The following RFX1 variants were observed in gnomAD, a reference collection of about 807,000 sequenced individuals.
RFX1 encodes the protein regulatory factor X1.
RFX1 carries 42 observed loss-of-function variants against 119.6 expected under a neutral mutation model. The ratio of observed to expected loss-of-function variants is 0.35; its 90% CI spans 0.27 to 0.45. RFX1 has a LOEUF of 0.45. Ranked by LOEUF, RFX1 falls within the 20% of genes least tolerant of loss-of-function variation. The pLI is 1.00. For synonymous variants in RFX1, 628 were observed against 618.5 expected (o/e 1.02, Z -0.23); for missense variants, 1,118 against 1,368.1 (o/e 0.82, Z 2.88).
At chr19:13,983,692 C>T in intron 2 of RFX1, 97 bp from the exon 3 acceptor site, 5 of 1,040,926 alleles carry the variant, frequency 4.8e-6, no homozygotes, top group Non-Finnish European at 5.6e-6. Context: ...CTGAAGCCAA[C>T]CCCCAGCAAG....
Position 13,986,336 on chromosome 19 carries a change from G to A in RFX1, c.320-2741C>T, listed in dbSNP as rs1330122265. Among the ~76,000 whole-genome samples, 1 of 152,222 alleles carries A rather than the reference G, an allele frequency of 6.6e-6. No individual in the cohort carries two copies. The highest frequency in any genetic ancestry group is 1.5e-5 in the Non-Finnish European group (1 of 68,016). On this transcript the variant is annotated intron_variant, in intron 2 of 20. Coordinates refer to ENST00000254325, the MANE Select transcript of RFX1 (RefSeq NM_002918.5). This position sits in a 1 kb window ranked among gnomAD's most constrained non-coding sequence, Gnocchi z 4.2. ...GAGACCAGGTGGCTGTCTCCAGGAA[G>A]CAGCCTTGCCCGTCTCCTGCCTCTG...
chr19:13,963,047 AAGAAG>A lies in RFX1; in HGVS notation c.2725-13_2725-9del. The A allele has an allele frequency of 6.4e-7, 1 of 1,573,118 alleles. No homozygotes were observed. Among genetic ancestry groups the A allele is most frequent in the East Asian group, 2.4e-5 (1 of 42,524 alleles). On this transcript the variant is annotated splice_polypyrimidine_tract_variant and intron_variant, in intron 19 of 20. Transcript: ENST00000254325. ...GGTGGCCAGATTGGCGAACTGGAGG[AAGAAG>A]AGAAGAAAATGGGTGAGGGTCCCGC...
At chr19:13,989,773 T>C (rs1364818406) in intron 2 of RFX1, among the ~76,000 whole-genome samples, 1 of 152,066 alleles carries the variant, frequency 6.6e-6, no homozygotes, top group Non-Finnish European at 1.5e-5. Context: ...TAATGGACAG[T>C]TGTGAACCTG....
intron 8 of RFX1, among the ~76,000 whole-genome samples, chr19:13,976,715 T>C (rs762327602): frequency 6.6e-6 from 1 of 152,162 alleles, no homozygotes. Flanking sequence ...AGAAAGCGGG[T>C]AGAGGCTGGG....
chr19:13,976,738 T>C (rs575526531), intron 8 of RFX1, among the ~76,000 whole-genome samples: 2 of 152,326 alleles, frequency 1.3e-5, no homozygotes, highest in Non-Finnish European at 1.5e-5. Context: ...CTGTGGCTCA[T>C]GCCTGTAATC....
chr19:13,981,173 C>G lies in RFX1; in HGVS notation c.622-484G>C, dbSNP rs77999833. On this transcript the variant is annotated intron_variant, in intron 5 of 20. Transcript: ENST00000254325. ...AGGCGATGAGGCACAGGGCTGAGCC[C>G]AGGCAGGCTGGCCATAGAGCCCCAT... is the stretch of plus-strand genomic sequence containing the variant. 4.9e-3 allele frequency among the ~76,000 whole-genome samples: 742 copies of G among 152,356 alleles called. 1 individual carries two copies. The highest frequency in any genetic ancestry group is 0.017 in the African/African-American group (713 of 41,580).
At chr19:13,976,022 C>T (rs942190490) in intron 8 of RFX1, among the ~76,000 whole-genome samples, 5 of 152,256 alleles carry the variant, frequency 3.3e-5, no homozygotes, top group East Asian at 1.9e-4. Context: ...ACAGGAGAGA[C>T]GCTACCAGGG....
chr19:13,969,722 TG>T lies in RFX1; in HGVS notation c.1496+271del, dbSNP rs986492985. On this transcript the variant is annotated intron_variant, in intron 10 of 20. Transcript: ENST00000254325. The surrounding 1 kb of genome is among the most constrained non-coding windows in gnomAD (Gnocchi z 4.5). ...GCTAAAGAGAAAAATAAAGCAGGGT[TG>T]GGGGGTGTCGGGCAGGGGAGAGGGG... The T allele has an allele frequency of 5.1e-4, 202 of 393,714 alleles. No homozygotes were observed. Among genetic ancestry groups the T allele is most frequent in the Middle Eastern group, 6.8e-4 (1 of 1,478 alleles). 24.4% of individuals were successfully genotyped at this position (393,714 alleles called of 1,614,324 possible).
In RFX1 at chr19:13,980,548, G is replaced by T; in HGVS notation, c.738+25C>A. 6.9e-7 allele frequency: 1 copy of T among 1,458,940 alleles called. No individual in the cohort carries two copies. Among genetic ancestry groups the T allele is most frequent in the Non-Finnish European group, 9.3e-7 (1 of 1,073,272 alleles). The allele number at this position is 1,458,940 out of a possible 1,614,324, so 90.4% of individuals were successfully genotyped here. A position where few individuals can be genotyped will look rare whatever the true frequency, so the allele number is the denominator to read the frequency against. ...TGCCTGGCCGGTACCCCTGGACCGAGCCACTGCCCGCCTTGGCCTGGCACC... is the reference window on the plus strand; with the variant it reads ...TGCCTGGCCGGTACCCCTGGACCGATCCACTGCCCGCCTTGGCCTGGCACC... On this transcript the variant is annotated intron_variant, in intron 6 of 20. Transcript: ENST00000254325. The surrounding 1 kb of genome is among the most constrained non-coding windows in gnomAD (Gnocchi z 5.1).
chr19:13,986,453 T>C lies in RFX1; in HGVS notation c.320-2858A>G, dbSNP rs1188494029. 6.6e-6 allele frequency among the ~76,000 whole-genome samples: 1 copy of C among 152,132 alleles called. No homozygotes were observed. The highest frequency in any genetic ancestry group is 1.5e-5 in the Non-Finnish European group (1 of 68,010). ...CTAACAGGTGAGCCTGAGTGACTCA[T>C]GCGGATGAGGGCTTCCTGTGCAGCC... On this transcript the variant is annotated intron_variant, in intron 2 of 20. Coordinates refer to ENST00000254325, the MANE Select transcript of RFX1 (RefSeq NM_002918.5). The surrounding 1 kb of genome is among the most constrained non-coding windows in gnomAD (Gnocchi z 4.2).
intron 2 of RFX1, among the ~76,000 whole-genome samples, chr19:13,989,608 T>G (rs76277804): frequency 0.011 from 1,604 of 152,084 alleles, 31 homozygotes; most frequent in African/African-American, 0.037. Flanking sequence ...TGTCTGTGTG[T>G]GTAGCTTTTA....
chr19:13,984,462 G>C (rs1029988306), intron 2 of RFX1, among the ~76,000 whole-genome samples: 1 of 152,172 alleles, frequency 6.6e-6, no homozygotes, highest in Non-Finnish European at 1.5e-5. Context: ...AGGGAGGTTG[G>C]TACCCGGAGA....
At chr19:13,981,511 G>C (rs150695198) in intron 5 of RFX1, among the ~76,000 whole-genome samples, 1 of 152,176 alleles carries the variant, frequency 6.6e-6, no homozygotes, top group Non-Finnish European at 1.5e-5. Context: ...CAGGAGAATC[G>C]CTTGAACCCA....
rs1973770935 is a variant in RFX1, at chr19:13,963,209, C to G, written c.2637G>C (p.Arg879=). Residue 879 remains arginine (R), a synonymous_variant, in exon 19 of 21, where the codon CGG becomes CGC. Transcript: ENST00000254325. ...AASFGSFHLI[R]LLYDEYMYYL... is the part of the protein sequence containing the mutation. The stretch of plus-strand genomic sequence containing the variant: ...AGTACATGTACTCGTCGTAGAGCAG[C>G]CGGATGAGGTGGAAGGAACCGAAGC... 1.2e-6 allele frequency: 2 copies of G among 1,612,672 alleles called. No individual in the cohort carries two copies. The highest frequency in any genetic ancestry group is 2.2e-5 in the South Asian group (2 of 91,090).
rs1396987995 is a variant in RFX1 at position 13,963,760 on chromosome 19, G to A, written c.2362-14C>T. The A allele has an allele frequency of 1.9e-6, 3 of 1,548,516 alleles. No homozygotes were observed. Among genetic ancestry groups the A allele is most frequent in the Admixed American group, 1.9e-5 (1 of 53,010 alleles). ...CGAGGCCTGCTCCTGGGGCACAGAG[G>A]GTGGGCGGGCGCCCGGGGCTCAGCC... On this transcript the variant is annotated splice_polypyrimidine_tract_variant and intron_variant, in intron 17 of 20. Transcript: ENST00000254325.
chr19:13,994,765 TTA>T, intron 1 of RFX1, among the ~76,000 whole-genome samples: 1 of 146,334 alleles, frequency 6.8e-6, no homozygotes, highest in African/African-American at 2.6e-5. Flanking sequence ...GTGTATTTTT[TTA>T]CTTATATATT....
In RFX1 at chr19:13,978,256, AG is replaced by A. The variant is rs3214852; in HGVS notation, c.835-171del. On this transcript the variant is annotated intron_variant, in intron 7 of 20. Coordinates refer to ENST00000254325, the MANE Select transcript of RFX1 (RefSeq NM_002918.5). ...CTGGAGGAGGCCAGGGCTGGGAATC[AG>A]GAAGAGCTGTGTCAGGAGAAGCCAG... Among the ~76,000 whole-genome samples the A allele has an allele frequency of 4.4e-4, 67 of 152,326 alleles. No homozygotes were observed. In the East Asian group the frequency reaches 0.011, roughly 25 times the overall value.
intron 8 of RFX1, among the ~76,000 whole-genome samples, chr19:13,974,540 T>C (rs1024983831): frequency 2.6e-5 from 4 of 152,022 alleles, no homozygotes; most frequent in Admixed American, 6.6e-5. Flanking sequence ...CTCCAGAACC[T>C]AACACCGGGC....
Position 13,992,685 on chromosome 19 carries a change from G to T in RFX1, c.319+840C>A, listed in dbSNP as rs532240427. On this transcript the variant is annotated intron_variant, in intron 2 of 20. Coordinates refer to ENST00000254325, the MANE Select transcript of RFX1 (RefSeq NM_002918.5). ...TCCCCTGAGAGAGAGGAGCTATGAT[G>T]ATCCCATCACAAATGAGGAAACCAG... is the stretch of plus-strand genomic sequence containing the variant. Among the ~76,000 whole-genome samples the T allele has an allele frequency of 3.3e-4, 50 of 152,320 alleles. 1 individual carries two copies. The highest frequency in any genetic ancestry group is 1.5e-3 in the Admixed American group (23 of 15,292).
Sources: allele counts gnomAD v4.1 joint callset (sites outside exome capture counted in the v4.1 genomes callset), GRCh38; gene constraint gnomAD v4.1.1; non-coding constraint Gnocchi (gnomAD v3.1); transcripts MANE v1.5; gene names NCBI Gene and HGNC (gene_info 2026-07-23, HGNC 2026-07-21).